Variants in THOC2 observed in about 807,000 individuals in gnomAD.
THOC2 encodes the protein THO complex subunit 2, also known as THO complex 2.
Under a neutral mutation model 128.4 loss-of-function variants are expected in THOC2, and 10 were observed. The ratio of observed to expected loss-of-function variants is 0.08; its 90% CI spans 0.05 to 0.13. The LOEUF is 0.13. THOC2 is among the 10% of genes least tolerant of loss of function. THOC2 has a pLI of 1.00. For missense variants in THOC2, 535 were observed against 1,155.7 expected, an observed-to-expected ratio of 0.46 and a Z score of 7.79; for synonymous variants, 393 against 396.9, an observed-to-expected ratio of 0.99 and a Z score of 0.12.
chrX:123,732,021 G>GT (rs1406765998), intron 1 of THOC2, among the ~76,000 whole-genome samples: 1 of 110,703 alleles, frequency 9.0e-6, no homozygotes, highest in Non-Finnish European at 1.9e-5. Context: ...TATATCTGAG[G>GT]TTTGCTTTGC....
intron 7 of THOC2, among the ~76,000 whole-genome samples, chrX:123,690,149 C>T (rs1278610330): frequency 1.8e-5 from 2 of 110,745 alleles, no homozygotes; most frequent in African/African-American, 6.6e-5. Context: ...CCATAGATGC[C>T]CTCCTTCATT....
chrX:123,625,769 A>G (rs977005751), intron 25 of THOC2, 143 bp downstream of exon 25: 11 of 597,532 alleles, frequency 1.8e-5, no homozygotes, highest in Non-Finnish European at 2.9e-5. Context: ...ATACAGCTAG[A>G]AAGTAGTAGA....
At chrX:123,718,841 A>G (rs2051547760) in intron 1 of THOC2, among the ~76,000 whole-genome samples, 1 of 111,088 alleles carries the variant, frequency 9.0e-6, no homozygotes, top group Non-Finnish European at 1.9e-5. Flanking sequence ...AAATATTTGC[A>G]AGCCAAACAT....
In THOC2 at chrX:123,638,128, C is replaced by T; in HGVS notation, c.1841-5G>A. 8.8e-7 allele frequency: 1 copy of T among 1,140,880 alleles called. No individual in the cohort carries two copies. 94.0% of individuals were successfully genotyped at this position (1,140,880 alleles called of 1,213,427 possible). On this transcript the variant is annotated splice_polypyrimidine_tract_variant and splice_region_variant and intron_variant, in intron 17 of 38. Coordinates refer to ENST00000245838, the MANE Select transcript of THOC2 (RefSeq NM_001081550.2). ...CTAAAGCTTCAATGATACAATCTTT[C>T]ATACATTAAGAAAAAACTAAGTCAT...
At chrX:123,605,483 T>C (rs1487811125) in intron 38 of THOC2, among the ~76,000 whole-genome samples, 1 of 111,427 alleles carries the variant, frequency 9.0e-6, no homozygotes, top group East Asian at 2.8e-4. Context: ...TAGTATACAT[T>C]TAATGGTTAC....
rs1287790540 is a variant in THOC2, at chrX:123,696,710, C to A, written c.467+11G>T. ...GATACTTGATCTGCAACATAAGATACGTGTACTTACAAGAGTTTTGTCTTG... is the reference window on the plus strand; with the variant it reads ...GATACTTGATCTGCAACATAAGATAAGTGTACTTACAAGAGTTTTGTCTTG... On this transcript the variant is annotated intron_variant, in intron 6 of 38. Coordinates refer to ENST00000245838, the MANE Select transcript of THOC2 (RefSeq NM_001081550.2). The A allele has an allele frequency of 8.4e-7, 1 of 1,194,908 alleles. No homozygotes were observed. The highest frequency in any genetic ancestry group is 1.1e-6 in the Non-Finnish European group (1 of 887,735).
chrX:123,630,469 T>C (rs1269879106), intron 22 of THOC2, among the ~76,000 whole-genome samples: 67 of 108,386 alleles, frequency 6.2e-4, no homozygotes, highest in Middle Eastern at 4.7e-3. Context: ...AAAAATTAGC[T>C]GGGTGTGGTG....
At chrX:123,702,969 TAAAG>T (rs780311131) in intron 4 of THOC2, among the ~76,000 whole-genome samples, 65 of 111,413 alleles carry the variant, frequency 5.8e-4, no homozygotes, top group Non-Finnish European at 1.1e-3. Flanking sequence ...TCTGGAAAAA[TAAAG>T]AAGTTGCTAT....
rs55916247 is a variant in THOC2 at position 123,711,958 on chromosome X, TAAAAAAAA to T, written c.130+884_130+891del. 1.1e-4 allele frequency among the ~76,000 whole-genome samples: 5 copies of T among 46,843 alleles called. No homozygotes were observed. In the South Asian group the frequency reaches 7.1e-3, roughly 66 times the overall value. The allele number at this position is 46,843 out of a possible 115,157, so 40.7% of individuals were successfully genotyped here. Reference sequence around the variant, plus strand: ...CAATGGAAAGAGACCCTGTCTACTTTAAAAAAAAAAAAAAAAAAAAAAAAGTATATCCT... The same window carrying T: ...CAATGGAAAGAGACCCTGTCTACTTTAAAAAAAAAAAAAAAAGTATATCCT... On this transcript the variant is annotated intron_variant, in intron 2 of 38. Transcript: ENST00000245838.
intron 2 of THOC2, among the ~76,000 whole-genome samples, chrX:123,709,998 T>C (rs954001805): frequency 2.1e-4 from 23 of 111,286 alleles, no homozygotes; most frequent in African/African-American, 7.2e-4. Flanking sequence ...TGAAATGAAA[T>C]TAATTCAAGG....
chrX:123,720,464 A>T (rs1290785966), intron 1 of THOC2, among the ~76,000 whole-genome samples: 3 of 111,664 alleles, frequency 2.7e-5, no homozygotes, highest in Non-Finnish European at 5.6e-5. Flanking sequence ...AAAATTAAAT[A>T]AAATAAAATA....
intron 22 of THOC2, 92 bp from the exon 23 acceptor site, chrX:123,628,060 C>A (rs1274034104): frequency 1.7e-5 from 12 of 718,636 alleles, no homozygotes; most frequent in Non-Finnish European, 2.4e-5. Flanking sequence ...ATATTCCCTT[C>A]TAAAGAATCA....
chrX:123,724,356 T>C (rs2051846388), intron 1 of THOC2, among the ~76,000 whole-genome samples: 1 of 111,837 alleles, frequency 8.9e-6, no homozygotes, highest in South Asian at 3.8e-4. Context: ...AATTCACTTC[T>C]AGGTTTCACA....
intron 12 of THOC2, among the ~76,000 whole-genome samples, chrX:123,651,364 GAC>G (rs2048344200): frequency 1.8e-5 from 2 of 111,583 alleles, no homozygotes; most frequent in African/African-American, 6.5e-5. Context: ...ATCTAAAATC[GAC>G]ATCCTAACAT....
At chrX:123,601,485 A>AAGGG (rs200025253) in intron 38 of THOC2, 147 bp from the exon 39 acceptor site, 13 of 83,783 alleles carry the variant, frequency 1.6e-4, no homozygotes, top group African/African-American at 5.7e-4. Context: ...GGGAGGGAAG[A>AAGGG]AGGGAGGGAG....
At chrX:123,610,796 G>A (rs759255029) in intron 38 of THOC2, 122 bp downstream of exon 38, 14 of 539,986 alleles carry the variant, frequency 2.6e-5, no homozygotes, top group East Asian at 4.1e-5. Flanking sequence ...AGACTTGGTC[G>A]TTATATTTAG....
chrX:123,692,994 C>T (rs1217034863), intron 7 of THOC2, among the ~76,000 whole-genome samples: 2 of 111,409 alleles, frequency 1.8e-5, no homozygotes, highest in South Asian at 3.8e-4. Flanking sequence ...CACAGAGAAA[C>T]CCATCCAAAG....
At chrX:123,704,427 C>T (rs964532651) in intron 3 of THOC2, among the ~76,000 whole-genome samples, 6 of 111,755 alleles carry the variant, frequency 5.4e-5, no homozygotes, top group African/African-American at 2.0e-4. Flanking sequence ...GGGTTTCTAT[C>T]GAATCCATCA....
chrX:123,709,882 T>C (rs1259780852), intron 2 of THOC2, among the ~76,000 whole-genome samples: 1 of 111,148 alleles, frequency 9.0e-6, no homozygotes, highest in Non-Finnish European at 1.9e-5. Context: ...TCATGTTTAT[T>C]AGCCATCATT....
Sources: gnomAD v4.1 joint callset for allele counts (sites outside exome capture counted in the v4.1 genomes callset) on GRCh38, gnomAD v4.1.1 for gene constraint, MANE v1.5 for transcripts, NCBI Gene and HGNC (gene_info 2026-07-23, HGNC 2026-07-21) for gene names.